Variants in ATAD2 observed in about 807,000 individuals in gnomAD.
The protein encoded by ATAD2 is ATPase family AAA domain-containing protein 2.
In ATAD2, 62 loss-of-function variants were observed where a neutral mutation model predicts 168.9. The ratio of observed to expected loss-of-function variants is 0.37; its 90% confidence interval spans 0.30 to 0.45. The LOEUF (loss-of-function observed/expected upper bound fraction) is 0.45. ATAD2 is among the 20% of genes least tolerant of loss of function. The probability of loss-of-function intolerance (pLI) is 1.00; values close to 1 mark genes in which losing one functional copy is unlikely to be tolerated. For missense variants in ATAD2, 1,419 were observed against 1,667.8 expected (o/e 0.85, Z 2.60); for synonymous variants, 613 against 571.6 (o/e 1.07, Z -1.03).
intron 25 of ATAD2, among the ~76,000 whole-genome samples, 190 bp from the exon 26 acceptor site, chr8:123,326,216 G>C (rs904217775): frequency 1.3e-5 from 2 of 152,174 alleles, no homozygotes; most frequent in African/African-American, 4.8e-5. Flanking sequence ...AGGACAGTTT[G>C]AGAAGTATGT....
chr8:123,366,896 TAA>T (rs77797973), intron 8 of ATAD2, among the ~76,000 whole-genome samples: 2 of 146,346 alleles, frequency 1.4e-5, no homozygotes, highest in Non-Finnish European at 3.0e-5. Flanking sequence ...ATAAAAAATT[TAA>T]AAAAAAAAGA....
chr8:123,392,072 T>C (rs893379622), intron 1 of ATAD2, among the ~76,000 whole-genome samples: 1 of 152,156 alleles, frequency 6.6e-6, no homozygotes, highest in African/African-American at 2.4e-5. Context: ...GCAAATAGTC[T>C]CTGTATATTG....
chr8:123,323,900 A>T (rs532142786), intron 26 of ATAD2, among the ~76,000 whole-genome samples: 92 of 152,308 alleles, frequency 6.0e-4, no homozygotes, highest in African/African-American at 2.1e-3. Context: ...AAATTGAAAT[A>T]GTCTCAGTAA....
intron 1 of ATAD2, among the ~76,000 whole-genome samples, chr8:123,388,068 T>C (rs1380838729): frequency 1.3e-5 from 2 of 152,244 alleles, no homozygotes; most frequent in Admixed American, 6.5e-5. Flanking sequence ...CACTTCACCA[T>C]CTACTCGGTA....
rs542118906 is a variant in ATAD2, at chr8:123,346,032, A to T, written c.2532+54T>A. 3.0e-6 allele frequency: 4 copies of T among 1,330,482 alleles called. No individual in the cohort carries two copies. In the South Asian group the frequency reaches 8.0e-5, roughly 26 times the overall value. 82.4% of individuals were successfully genotyped at this position (1,330,482 alleles called of 1,614,324 possible). On this transcript the variant is annotated intron_variant, in intron 18 of 27. Transcript: ENST00000287394. ...CAATACAAAAAAATGGGGCAATTTTAGCTTTTGCCTCTGAAAGCCTGTTTT... is the reference window on the plus strand; with the variant it reads ...CAATACAAAAAAATGGGGCAATTTTTGCTTTTGCCTCTGAAAGCCTGTTTT...
chr8:123,339,371 A>G lies in ATAD2; in HGVS notation c.2794T>C (p.Phe932Leu). ...QLPDKEERTKFFEDLILKQAA... is the reference protein window; with the variant it reads ...QLPDKEERTKLFEDLILKQAA... The stretch of plus-strand genomic sequence containing the variant: ...TGTTTTAGAATTAAATCTTCAAAAA[A>G]TTTTGTCCGTTCTTCTTTATCCGGT... The change falls in exon 20 of 28, where the codon TTT becomes CTT. Residue 932 changes from phenylalanine to leucine, a missense_variant. By Grantham distance (22) the Phe-to-Leu change is conservative (BLOSUM62 0). This residue lies in a region of ATAD2 where 545 missense variants were observed against 724.9 expected (regional missense o/e 0.75). Coordinates refer to ENST00000287394, the MANE Select transcript of ATAD2 (RefSeq NM_014109.4). 1 of 1,601,602 alleles carries G rather than the reference A, an allele frequency of 6.2e-7. No individual in the cohort carries two copies. Among genetic ancestry groups the G allele is most frequent in the Non-Finnish European group, 8.5e-7 (1 of 1,172,290 alleles).
At position 123,369,183 on chromosome 8, in the gene ATAD2, A is replaced by G. The variant is rs766206309; in HGVS notation, c.932-8T>C. 4.1e-6 allele frequency: 5 copies of G among 1,206,450 alleles called. No homozygotes were observed. The highest frequency in any genetic ancestry group is 5.7e-6 in the Non-Finnish European group (5 of 878,572). The allele number at this position is 1,206,450 out of a possible 1,614,324, so 74.7% of individuals were successfully genotyped here. ...TTCTCTGGTGACGAGGTTCTAAAAA[A>G]AAGAAATATATATATATATTTGTAT... On this transcript the variant is annotated splice_polypyrimidine_tract_variant and splice_region_variant and intron_variant, in intron 7 of 27. Transcript: ENST00000287394.
Position 123,338,215 on chromosome 8 carries a change from C to T in ATAD2, c.2855-394G>A, listed in dbSNP as rs780370735. Among the ~76,000 whole-genome samples the T allele has an allele frequency of 3.9e-5, 6 of 152,048 alleles. No homozygotes were observed. The South Asian group carries it at 8.3e-4, about 21-fold the overall frequency. ...ACTAAAAATACAAAAAATTAGCTGG[C>T]GTGGTGGCGTGCGCCTGTAGTCCTA... On this transcript the variant is annotated intron_variant, in intron 20 of 27. Coordinates refer to ENST00000287394, the MANE Select transcript of ATAD2 (RefSeq NM_014109.4).
chr8:123,339,822 A>T (rs980931364), intron 19 of ATAD2, among the ~76,000 whole-genome samples: 2 of 152,202 alleles, frequency 1.3e-5, no homozygotes, highest in Non-Finnish European at 2.9e-5. Flanking sequence ...AGGAACTAAA[A>T]ATCATGAGAA....
intron 2 of ATAD2, among the ~76,000 whole-genome samples, chr8:123,377,952 T>A (rs1829368931): frequency 6.6e-6 from 1 of 152,224 alleles, no homozygotes; most frequent in Non-Finnish European, 1.5e-5. Flanking sequence ...AGGTAACAAT[T>A]TAGGGGTCCT....
At chr8:123,328,648 AC>A (rs1715381049) in intron 24 of ATAD2, 69 bp from the exon 25 acceptor site, 1 of 1,408,388 alleles carries the variant, frequency 7.1e-7, no homozygotes, top group African/African-American at 1.4e-5. Flanking sequence ...AGAGTGAAAA[AC>A]CCTGATATAT....
At chr8:123,373,616 G>A (rs991452928) in intron 2 of ATAD2, among the ~76,000 whole-genome samples, 5 of 151,618 alleles carry the variant, frequency 3.3e-5, no homozygotes, top group East Asian at 1.9e-4. Context: ...GTGAAACCCC[G>A]TCTCTACTAC....
chr8:123,357,651 T>C lies in ATAD2; in HGVS notation c.1468A>G (p.Arg490Gly), dbSNP rs746537419. Residue 490 changes from arginine to glycine, a missense_variant, in exon 12 of 28, where the codon AGA becomes GGA. By Grantham distance (125) the Arg-to-Gly change is moderately radical. This residue lies in a region of ATAD2 where 146 missense variants were observed against 188.3 expected (regional missense o/e 0.78). Transcript: ENST00000287394. ...LANECSQGDK[R>G]VAFFMRKGAD... ...CCTTTCCTCATGAAAAATGCTACTC[T>C]TTTATCCCCTTGACTGCACTCATTG... 3 of 1,614,128 alleles carry C rather than the reference T, an allele frequency of 1.9e-6. No homozygotes were observed. The East Asian group carries it at 6.7e-5, about 36-fold the overall frequency.
chr8:123,383,744 G>A (rs1333793775), intron 1 of ATAD2, among the ~76,000 whole-genome samples: 1 of 150,878 alleles, frequency 6.6e-6, no homozygotes, highest in Non-Finnish European at 1.5e-5. Flanking sequence ...TTGCACTCCA[G>A]CCTGGGCAAT....
chr8:123,415,794 C>T (rs1382793159), intron 1 of ATAD2, among the ~76,000 whole-genome samples: 2 of 152,132 alleles, frequency 1.3e-5, no homozygotes, highest in Admixed American at 6.6e-5. Flanking sequence ...GGAGTTTCAC[C>T]ATGTTGGCCA....
intron 15 of ATAD2, 81 bp downstream of exon 15, chr8:123,348,102 C>T (rs1828312968): frequency 5.0e-6 from 6 of 1,194,432 alleles, no homozygotes; most frequent in Non-Finnish European, 7.1e-6. Context: ...ACCACAATTA[C>T]TTTTGCACCA....
At chr8:123,371,028 T>C in intron 5 of ATAD2, 38 bp from the exon 6 acceptor site, 1 of 1,443,508 alleles carries the variant, frequency 6.9e-7, no homozygotes, top group Non-Finnish European at 9.4e-7. Flanking sequence ...ACATTTGGAA[T>C]CTATTTATTA....
intron 24 of ATAD2, among the ~76,000 whole-genome samples, chr8:123,333,340 G>A (rs1163481254): frequency 3.5e-5 from 5 of 142,952 alleles, no homozygotes; most frequent in Non-Finnish European, 6.0e-5. Flanking sequence ...AACCCGGGAC[G>A]CAGCGGTTGC....
chr8:123,362,585 T>C (rs929623062), intron 8 of ATAD2, among the ~76,000 whole-genome samples: 1 of 149,326 alleles, frequency 6.7e-6, no homozygotes, highest in Admixed American at 6.7e-5. Context: ...CCAGTTAACT[T>C]TTTTTTTTTT....
Sources: allele counts gnomAD v4.1 joint callset (sites outside exome capture counted in the v4.1 genomes callset), GRCh38; gene constraint gnomAD v4.1.1; regional missense constraint gnomAD v4.1.1; transcripts MANE v1.5; gene names NCBI Gene and HGNC (gene_info 2026-07-23, HGNC 2026-07-21).